Variants in SEMA3E observed in about 807,000 individuals in gnomAD.
SEMA3E encodes the protein semaphorin 3E, also known as semaphorin-3E.
A neutral mutation model predicts 93.6 loss-of-function variants in SEMA3E; 49 were observed. The ratio of observed to expected loss-of-function variants is 0.52; its 90% confidence interval spans 0.42 to 0.66. The LOEUF (loss-of-function observed/expected upper bound fraction) is 0.66, where lower values mean the gene tolerates loss of function less well. SEMA3E is among the 30% of genes least tolerant of loss of function. The pLI is 0.00. For synonymous variants in SEMA3E, 363 were observed against 330.7 expected (o/e 1.10, Z -1.06); for missense variants, 906 against 964.8 (o/e 0.94, Z 0.81).
rs533333034 is a variant in SEMA3E at position 83,648,548 on chromosome 7, C to T, written c.-6G>A. The T allele has an allele frequency of 4.1e-5, 66 of 1,605,274 alleles. No homozygotes were observed. In the African/African-American group the frequency reaches 7.5e-4, roughly 18 times the overall value. ...ATGTGCCCCGCGGATGCCATGCTGC[C>T]GTGTTCACCGTCCAAGCCCTCGCTC... is the stretch of plus-strand genomic sequence containing the variant. On this transcript the variant is annotated 5_prime_UTR_variant, in exon 1 of 17. Transcript: ENST00000643230.
chr7:83,520,834 A>G (rs1791029231), intron 1 of SEMA3E, among the ~76,000 whole-genome samples: 2 of 152,162 alleles, frequency 1.3e-5, no homozygotes. Flanking sequence ...TTTTTTTTGT[A>G]ACTGGTCAGT....
At position 83,400,233 on chromosome 7, in the gene SEMA3E, A is replaced by G; in HGVS notation, c.1161T>C (p.Asn387=). 1 of 1,613,748 alleles carries G rather than the reference A, an allele frequency of 6.2e-7. No individual in the cohort carries two copies. The highest frequency in any genetic ancestry group is 8.5e-7 in the Non-Finnish European group (1 of 1,179,858). Residue 387 remains asparagine (N), a synonymous_variant, in exon 11 of 17, where the codon AAT becomes AAC. Coordinates refer to ENST00000643230, the MANE Select transcript of SEMA3E (RefSeq NM_012431.3). ...PRPGSCASKV[N]GGRYGTTKDY... ...CCTTGGTGGTTCCGTATCTCCCTCC[A>G]TTTACTTTGCTGGCACACTGAAAAA...
intron 14 of SEMA3E, among the ~76,000 whole-genome samples, chr7:83,391,049 G>A (rs964425468): frequency 2.0e-5 from 3 of 152,102 alleles, no homozygotes; most frequent in Middle Eastern, 3.2e-3. Context: ...AATTAATGCT[G>A]TTATTCGTGG....
intron 4 of SEMA3E, among the ~76,000 whole-genome samples, chr7:83,427,025 AAAAAG>A (rs1788785974): frequency 6.6e-6 from 1 of 152,242 alleles, no homozygotes; most frequent in African/African-American, 2.4e-5. Context: ...ACACTTATTA[AAAAAG>A]AAATCAAAGA....
intron 1 of SEMA3E, among the ~76,000 whole-genome samples, chr7:83,492,001 G>C (rs548611745): frequency 6.6e-6 from 1 of 152,082 alleles, no homozygotes; most frequent in African/African-American, 2.4e-5. Context: ...TTATACATAA[G>C]CATTTACGTT....
At chr7:83,532,742 G>A (rs1359226934) in intron 1 of SEMA3E, among the ~76,000 whole-genome samples, 1 of 149,962 alleles carries the variant, frequency 6.7e-6, no homozygotes, top group Non-Finnish European at 1.5e-5. Context: ...GTCTTTTCCA[G>A]TTTTGAGATA....
intron 1 of SEMA3E, among the ~76,000 whole-genome samples, chr7:83,632,548 T>C (rs1295727644): frequency 2.0e-5 from 3 of 152,170 alleles, no homozygotes; most frequent in Non-Finnish European, 4.4e-5. Context: ...CTGTCATCCA[T>C]GTAAGATGTG....
intron 4 of SEMA3E, among the ~76,000 whole-genome samples, chr7:83,448,001 T>C (rs1304646746): frequency 6.6e-6 from 1 of 152,196 alleles, no homozygotes; most frequent in Non-Finnish European, 1.5e-5. Flanking sequence ...GGACAAAATA[T>C]CTATAACAAT....
At chr7:83,408,659 G>A (rs1788374743) in intron 5 of SEMA3E, among the ~76,000 whole-genome samples, 172 bp from the exon 6 acceptor site, 1 of 152,198 alleles carries the variant, frequency 6.6e-6, no homozygotes, top group South Asian at 2.1e-4. Context: ...TCCAGAGTCT[G>A]TCACTTACTA....
At chr7:83,427,844 C>A (rs886365149) in intron 4 of SEMA3E, among the ~76,000 whole-genome samples, 12 of 152,264 alleles carry the variant, frequency 7.9e-5, no homozygotes, top group African/African-American at 2.6e-4. Context: ...TGGTGTTTAA[C>A]CCTATTGAGA....
intron 1 of SEMA3E, among the ~76,000 whole-genome samples, chr7:83,533,950 G>A (rs1791357402): frequency 6.6e-6 from 1 of 152,078 alleles, no homozygotes; most frequent in South Asian, 2.1e-4. Context: ...TTGCCTCTAG[G>A]ACTCTCCTCT....
intron 16 of SEMA3E, among the ~76,000 whole-genome samples, chr7:83,383,513 A>G (rs1198810898): frequency 6.6e-6 from 1 of 152,004 alleles, no homozygotes; most frequent in East Asian, 1.9e-4. Flanking sequence ...ATCCGTATAT[A>G]GCTAGGTCCT....
At chr7:83,473,121 T>G (rs182276347) in intron 2 of SEMA3E, among the ~76,000 whole-genome samples, 1 of 152,328 alleles carries the variant, frequency 6.6e-6, no homozygotes, top group African/African-American at 2.4e-5. Flanking sequence ...TCTGATTCCC[T>G]TTTGTAGGAA....
chr7:83,469,583 G>A lies in SEMA3E; in HGVS notation c.277-281C>T, dbSNP rs67888920. Reference sequence around the variant, plus strand: ...TCAGAGGACAGCCATGCCTTAACTAGCCCTTTCCCATGTTAAACCTGAGTG... The same window carrying A: ...TCAGAGGACAGCCATGCCTTAACTAACCCTTTCCCATGTTAAACCTGAGTG... On this transcript the variant is annotated intron_variant, in intron 2 of 16. Transcript: ENST00000643230. Among the ~76,000 whole-genome samples, 103,428 of 151,698 alleles carry A rather than the reference G, an allele frequency of 0.68. 36,881 individuals are homozygous for A. Among genetic ancestry groups the A allele is most frequent in the Non-Finnish European group, 0.79 (53,546 of 67,946 alleles).
In SEMA3E at chr7:83,394,348, TAA is replaced by T. The variant is rs1788078377; in HGVS notation, c.1459-12_1459-11del. On this transcript the variant is annotated splice_polypyrimidine_tract_variant and intron_variant, in intron 12 of 16. Coordinates refer to ENST00000643230, the MANE Select transcript of SEMA3E (RefSeq NM_012431.3). The stretch of plus-strand genomic sequence containing the variant: ...TAATAGGAACTGGATCCTGAAATTT[TAA>T]AAAAGTTTTCATTTTTAAGAAAACA... The T allele has an allele frequency of 1.9e-6, 3 of 1,610,804 alleles. No individual in the cohort carries two copies. Among genetic ancestry groups the T allele is most frequent in the Middle Eastern group, 1.7e-4 (1 of 6,032 alleles).
intron 1 of SEMA3E, among the ~76,000 whole-genome samples, chr7:83,555,829 T>A (rs921004529): frequency 6.6e-6 from 1 of 152,192 alleles, no homozygotes; most frequent in Non-Finnish European, 1.5e-5. Context: ...ATGGGTCAGC[T>A]CATTATTATC....
At chr7:83,517,327 C>T (rs989500479) in intron 1 of SEMA3E, among the ~76,000 whole-genome samples, 3 of 152,160 alleles carry the variant, frequency 2.0e-5, no homozygotes, top group Non-Finnish European at 4.4e-5. Context: ...CAATGAAGTA[C>T]TGTCACTTGG....
chr7:83,386,951 T>G (rs773676555), intron 15 of SEMA3E, 32 bp downstream of exon 15: 3 of 1,595,560 alleles, frequency 1.9e-6, no homozygotes, highest in Non-Finnish European at 2.6e-6. Context: ...ATTCTCTGAG[T>G]AACCCAGAAC....
chr7:83,590,388 A>C (rs977002955), intron 1 of SEMA3E, among the ~76,000 whole-genome samples: 1 of 152,124 alleles, frequency 6.6e-6, no homozygotes, highest in African/African-American at 2.4e-5. Context: ...GCGTAAATAT[A>C]TTTGATGACT....
Sources: allele counts gnomAD v4.1 joint callset (sites outside exome capture counted in the v4.1 genomes callset), GRCh38; gene constraint gnomAD v4.1.1; transcripts MANE v1.5; gene names NCBI Gene and HGNC (gene_info 2026-07-23, HGNC 2026-07-21).